Variants in CELF4 observed in about 807,000 individuals in gnomAD.
The protein encoded by CELF4 is CUGBP Elav-like family member 4.
CELF4 carries 18 observed loss-of-function variants against 59.9 expected under a neutral mutation model. The ratio of observed to expected loss-of-function variants is 0.30; its 90% CI spans 0.21 to 0.45. The LOEUF is 0.45. CELF4 is among the 20% of genes least tolerant of loss of function. The pLI, the probability that CELF4 is intolerant of heterozygous loss-of-function variation, is 1.00. For missense variants in CELF4, 456 were observed against 689.0 expected, an observed-to-expected ratio of 0.66 and a Z score of 3.79; for synonymous variants, 261 against 267.1, an observed-to-expected ratio of 0.98 and a Z score of 0.22.
intron 2 of CELF4, among the ~76,000 whole-genome samples, chr18:37,328,938 T>C (rs2097431949): frequency 1.3e-5 from 2 of 152,216 alleles, no homozygotes; most frequent in African/African-American, 4.8e-5. Flanking sequence ...TACTAAAATA[T>C]AAAGCCTTTC....
Position 37,363,646 on chromosome 18 carries a change from G to T in CELF4, c.370-41765C>A, listed in dbSNP as rs369178966. On this transcript the variant is annotated intron_variant, in intron 2 of 12. Coordinates refer to ENST00000420428, the MANE Select transcript of CELF4 (RefSeq NM_020180.4). Reference sequence around the variant, plus strand: ...AAGATTTTGGTGTCATAGGGTATGGGTTTTCAGTGACCTGAATGATCCTTG... The same window carrying T: ...AAGATTTTGGTGTCATAGGGTATGGTTTTTCAGTGACCTGAATGATCCTTG... Among the ~76,000 whole-genome samples the T allele has an allele frequency of 2.0e-5, 3 of 152,188 alleles. No homozygotes were observed. In the East Asian group the frequency reaches 5.8e-4, roughly 29 times the overall value.
chr18:37,393,331 CAG>C (rs2099189892), intron 2 of CELF4, among the ~76,000 whole-genome samples: 1 of 152,212 alleles, frequency 6.6e-6, no homozygotes, highest in Non-Finnish European at 1.5e-5. Flanking sequence ...GCCATGGAAA[CAG>C]GGCATGGGGT....
rs139742868 is a variant in CELF4 at position 37,291,295 on chromosome 18, G to T, written c.449-16052C>A. 2.7e-3 allele frequency among the ~76,000 whole-genome samples: 407 copies of T among 152,300 alleles called. 4 individuals are homozygous for T. The highest frequency in any genetic ancestry group is 9.5e-3 in the African/African-American group (395 of 41,554). On this transcript the variant is annotated intron_variant, in intron 3 of 12. Coordinates refer to ENST00000420428, the MANE Select transcript of CELF4 (RefSeq NM_020180.4). ...TCCCACTGCTGGGAGGCCCTAGTGT[G>T]ATCCCTGCCTCACAACACAAGCTCA... is the stretch of plus-strand genomic sequence containing the variant.
chr18:37,295,871 C>T (rs986807187), intron 3 of CELF4, among the ~76,000 whole-genome samples: 6 of 152,210 alleles, frequency 3.9e-5, no homozygotes, highest in Non-Finnish European at 7.3e-5. Flanking sequence ...GGTTCATCAG[C>T]AGGCTGTGTG....
chr18:37,377,854 G>C (rs2098988759), intron 2 of CELF4, among the ~76,000 whole-genome samples: 1 of 152,134 alleles, frequency 6.6e-6, no homozygotes, highest in Admixed American at 6.5e-5. Flanking sequence ...GATATGGAAG[G>C]GCAAGGGCGG....
intron 1 of CELF4, among the ~76,000 whole-genome samples, chr18:37,513,544 A>G (rs2099946948): frequency 2.0e-5 from 3 of 152,168 alleles, no homozygotes; most frequent in African/African-American, 7.2e-5. Context: ...GACCATTCTT[A>G]TGGAATGGAT....
chr18:37,324,302 G>A (rs528228107), intron 2 of CELF4, among the ~76,000 whole-genome samples: 1 of 152,284 alleles, frequency 6.6e-6, no homozygotes, highest in African/African-American at 2.4e-5. Context: ...CCTTTAAGGA[G>A]GTACTTAAGG....
chr18:37,549,571 T>C (rs1479037239), intron 1 of CELF4, among the ~76,000 whole-genome samples: 4 of 152,194 alleles, frequency 2.6e-5, no homozygotes, highest in Non-Finnish European at 5.9e-5. Flanking sequence ...AGGATTTGAC[T>C]AGGTTGTAAT....
intron 2 of CELF4, among the ~76,000 whole-genome samples, chr18:37,423,103 GAC>G (rs746589342): frequency 1.5e-4 from 20 of 133,586 alleles, no homozygotes; most frequent in East Asian, 1.1e-3. Flanking sequence ...GAGAGAGAGA[GAC>G]AGACAGACAG....
chr18:37,382,909 C>T (rs1367553412), intron 2 of CELF4, among the ~76,000 whole-genome samples: 1 of 152,104 alleles, frequency 6.6e-6, no homozygotes, highest in Non-Finnish European at 1.5e-5. Context: ...TAGAGTGTGG[C>T]CCACTCCTAC....
intron 2 of CELF4, among the ~76,000 whole-genome samples, chr18:37,393,830 A>T (rs1209994884): frequency 1.3e-5 from 2 of 151,170 alleles, no homozygotes; most frequent in African/African-American, 4.9e-5. Context: ...CACTCAAATG[A>T]AATTAAGTGA....
intron 2 of CELF4, among the ~76,000 whole-genome samples, chr18:37,452,642 G>A (rs2099767288): frequency 6.6e-6 from 1 of 152,022 alleles, no homozygotes; most frequent in African/African-American, 2.4e-5. Context: ...CATGTCCCCA[G>A]GTCTGCTGGA....
chr18:37,544,152 C>CT (rs5824075), intron 1 of CELF4, among the ~76,000 whole-genome samples: 10 of 137,990 alleles, frequency 7.2e-5, no homozygotes, highest in African/African-American at 2.7e-4. Flanking sequence ...CTTTTACTTC[C>CT]TTTTTTTTTT....
chr18:37,431,788 T>C (rs764126678), intron 2 of CELF4, among the ~76,000 whole-genome samples: 24 of 152,210 alleles, frequency 1.6e-4, no homozygotes, highest in Non-Finnish European at 3.2e-4. Context: ...AATGTCACTG[T>C]ATTAACTCTC....
At chr18:37,288,185 C>T (rs375378310) in intron 3 of CELF4, among the ~76,000 whole-genome samples, 2 of 152,216 alleles carry the variant, frequency 1.3e-5, no homozygotes, top group Non-Finnish European at 2.9e-5. Flanking sequence ...TTCTCTTTGA[C>T]GTTTTCCTGA....
intron 12 of CELF4, among the ~76,000 whole-genome samples, chr18:37,249,296 C>T (rs1375111696): frequency 6.6e-6 from 1 of 152,182 alleles, no homozygotes; most frequent in African/African-American, 2.4e-5. Context: ...GTATTGCCAT[C>T]AGATGGGGGC....
At position 37,308,782 on chromosome 18, in the gene CELF4, C is replaced by T. The variant is rs1261082280; in HGVS notation, c.448+13021G>A. ...CATGGATTTTCCCCGATAAGGGTCC[C>T]GGCTGACCTCTAGATTTCTGCAAAG... On this transcript the variant is annotated intron_variant, in intron 3 of 12. Transcript: ENST00000420428. 6.6e-5 allele frequency among the ~76,000 whole-genome samples: 10 copies of T among 152,282 alleles called. No individual in the cohort carries two copies. In the East Asian group the frequency reaches 7.7e-4, roughly 12 times the overall value.
chr18:37,529,381 G>C (rs560619959), intron 1 of CELF4, among the ~76,000 whole-genome samples: 6 of 152,310 alleles, frequency 3.9e-5, no homozygotes, highest in Non-Finnish European at 7.3e-5. Flanking sequence ...GGGTCGAGGT[G>C]CTTACGACAC....
At chr18:37,436,855 G>A (rs2099694415) in intron 2 of CELF4, among the ~76,000 whole-genome samples, 1 of 152,194 alleles carries the variant, frequency 6.6e-6, no homozygotes, top group Non-Finnish European at 1.5e-5. Context: ...TCTATTCCCA[G>A]CACAATTCCC....
Sources: allele counts gnomAD v4.1 joint callset (sites outside exome capture counted in the v4.1 genomes callset), GRCh38; gene constraint gnomAD v4.1.1; transcripts MANE v1.5; gene names NCBI Gene and HGNC (gene_info 2026-07-23, HGNC 2026-07-21).